IL1RAPL2: variants seen among roughly 807,000 people sequenced by gnomAD.
IL1RAPL2 encodes the protein X-linked interleukin-1 receptor accessory protein-like 2.
IL1RAPL2 carries 3 observed loss-of-function variants against 44.1 expected under a neutral mutation model. The observed-to-expected ratio is 0.07, with a 90% confidence interval of 0.03 to 0.18. The LOEUF (loss-of-function observed/expected upper bound fraction) is 0.18, where lower values mean the gene tolerates loss of function less well. Among genes scored for constraint, IL1RAPL2 ranks in the 10% least tolerant of loss-of-function variants. The probability of loss-of-function intolerance (pLI) is 1.00; values close to 1 mark genes in which losing one functional copy is unlikely to be tolerated. For synonymous variants in IL1RAPL2, 181 were observed against 178.8 expected (o/e 1.01, Z -0.10); for missense variants, 391 against 496.4 (o/e 0.79, Z 2.02).
At chrX:104,985,678 G>T (rs1174264866) in intron 2 of IL1RAPL2, among the ~76,000 whole-genome samples, 1 of 111,726 alleles carries the variant, frequency 9.0e-6, no homozygotes, top group Non-Finnish European at 1.9e-5. Flanking sequence ...AGTGAAGAGA[G>T]TCAGAATGGA....
intron 5 of IL1RAPL2, among the ~76,000 whole-genome samples, chrX:105,359,068 C>T (rs1364238761): frequency 5.4e-5 from 6 of 111,961 alleles, no homozygotes; most frequent in Non-Finnish European, 9.4e-5. Flanking sequence ...AAGGTGTTAC[C>T]TTTGGGCATA....
intron 6 of IL1RAPL2, among the ~76,000 whole-genome samples, chrX:105,514,344 A>G (rs1374677677): frequency 8.9e-6 from 1 of 111,820 alleles, no homozygotes; most frequent in African/African-American, 3.3e-5. Context: ...TGGGGCATCA[A>G]GAAACTGCAT....
chrX:104,870,416 T>C (rs1216364846), intron 2 of IL1RAPL2, among the ~76,000 whole-genome samples: 3 of 112,756 alleles, frequency 2.7e-5, no homozygotes, highest in South Asian at 7.2e-4. Context: ...ATTGAGTGCT[T>C]ACTATGTGCC....
intron 2 of IL1RAPL2, among the ~76,000 whole-genome samples, chrX:105,173,405 GGA>G: frequency 8.9e-6 from 1 of 111,924 alleles, no homozygotes; most frequent in Non-Finnish European, 1.9e-5. Context: ...TCTAGAGGGA[GGA>G]GAGTTTCCTT....
Position 105,445,246 on chromosome X carries a change from T to A in IL1RAPL2, c.698-39067T>A, listed in dbSNP as rs780088680. Among the ~76,000 whole-genome samples the A allele has an allele frequency of 1.9e-4, 21 of 112,057 alleles. No homozygotes were observed. In the South Asian group the frequency reaches 7.7e-3, roughly 41 times the overall value. On this transcript the variant is annotated intron_variant, in intron 5 of 10. Coordinates refer to ENST00000372582, the MANE Select transcript of IL1RAPL2 (RefSeq NM_017416.2). ...CAGTATCAGTTATAATGTCTTTTTT[T>A]ATCTGTTATTTATTTGGGTCTTCTC...
intron 2 of IL1RAPL2, among the ~76,000 whole-genome samples, chrX:104,947,926 T>C (rs1268879027): frequency 1.8e-5 from 2 of 111,898 alleles, no homozygotes; most frequent in Non-Finnish European, 3.8e-5. Context: ...ATATGAACTT[T>C]AAAGTAGTTT....
At chrX:104,610,352 G>A (rs1298968966) in intron 1 of IL1RAPL2, among the ~76,000 whole-genome samples, 1 of 111,259 alleles carries the variant, frequency 9.0e-6, no homozygotes, top group Non-Finnish European at 1.9e-5. Context: ...GTCCCTGTTT[G>A]CAGATGACAT....
chrX:105,668,332 G>A (rs1488730484), intron 6 of IL1RAPL2, among the ~76,000 whole-genome samples: 1 of 112,504 alleles, frequency 8.9e-6, no homozygotes, highest in Non-Finnish European at 1.9e-5. Flanking sequence ...TCCTAAGTGG[G>A]GAACAACGAG....
intron 2 of IL1RAPL2, among the ~76,000 whole-genome samples, chrX:105,113,299 C>T (rs1231315006): frequency 5.3e-5 from 6 of 112,233 alleles, no homozygotes; most frequent in African/African-American, 1.6e-4. Context: ...TTCTATGCAG[C>T]GCATGCTAAG....
intron 3 of IL1RAPL2, among the ~76,000 whole-genome samples, chrX:105,213,124 G>A (rs937900692): frequency 9.0e-6 from 1 of 110,781 alleles, no homozygotes; most frequent in Non-Finnish European, 1.9e-5. Flanking sequence ...GATGGAGAAT[G>A]AGATTGACAA....
At chrX:104,876,651 C>CTTTTT (rs777164255) in intron 2 of IL1RAPL2, among the ~76,000 whole-genome samples, 1 of 64,702 alleles carries the variant, frequency 1.5e-5, no homozygotes, top group Non-Finnish European at 2.9e-5. Flanking sequence ...ATATAGCTTT[C>CTTTTT]TTTTTTTTTT....
chrX:105,431,065 T>A, intron 5 of IL1RAPL2, among the ~76,000 whole-genome samples: 1 of 112,149 alleles, frequency 8.9e-6, no homozygotes, highest in East Asian at 2.8e-4. Flanking sequence ...GAAGAAAAAT[T>A]AGCATTTAAT....
chrX:105,084,191 TCA>T (rs774428391), intron 2 of IL1RAPL2, among the ~76,000 whole-genome samples: 2 of 112,663 alleles, frequency 1.8e-5, no homozygotes, highest in African/African-American at 6.4e-5. Flanking sequence ...GTAGGATTCC[TCA>T]CACAGAGTCC....
At chrX:104,884,499 G>A (rs1159210599) in intron 2 of IL1RAPL2, among the ~76,000 whole-genome samples, 1 of 111,167 alleles carries the variant, frequency 9.0e-6, no homozygotes, top group Non-Finnish European at 1.9e-5. Flanking sequence ...AAAACACTCA[G>A]GCATCAACAG....
chrX:105,168,090 G>A (rs968920463), intron 2 of IL1RAPL2, among the ~76,000 whole-genome samples: 14 of 111,556 alleles, frequency 1.3e-4, no homozygotes, highest in Non-Finnish European at 2.6e-4. Context: ...ATAATCCTGA[G>A]TTTAACAACC....
chrX:104,758,602 G>A (rs1221936500), intron 2 of IL1RAPL2, among the ~76,000 whole-genome samples: 1 of 111,545 alleles, frequency 9.0e-6, no homozygotes, highest in Non-Finnish European at 1.9e-5. Context: ...ACTGAAAAGG[G>A]AATTGTAGTG....
chrX:105,562,864 C>T (rs2036949523), intron 6 of IL1RAPL2, among the ~76,000 whole-genome samples: 1 of 112,174 alleles, frequency 8.9e-6, no homozygotes, highest in Non-Finnish European at 1.9e-5. Flanking sequence ...TTAGTGCCTA[C>T]TTTGTTTCAG....
intron 1 of IL1RAPL2, among the ~76,000 whole-genome samples, chrX:104,592,145 ATG>A (rs35940205): frequency 0.2 from 12,097 of 59,875 alleles, 1,079 homozygotes; most frequent in Middle Eastern, 0.31. Context: ...ATGCCCGTAT[ATG>A]TGTGTGTGTG....
chrX:105,332,396 CTCT>C (rs1398482244), intron 5 of IL1RAPL2, among the ~76,000 whole-genome samples: 1 of 110,213 alleles, frequency 9.1e-6, no homozygotes, highest in Admixed American at 9.8e-5. Flanking sequence ...TTGCTGTTGT[CTCT>C]TCTTTTCATC....
Sources: allele counts gnomAD v4.1 joint callset (sites outside exome capture counted in the v4.1 genomes callset), GRCh38; gene constraint gnomAD v4.1.1; transcripts MANE v1.5; gene names NCBI Gene and HGNC (gene_info 2026-07-23, HGNC 2026-07-21).